Variants in PTPRM observed in about 807,000 individuals in gnomAD.
PTPRM encodes protein tyrosine phosphatase receptor type M, also known as receptor-type tyrosine-protein phosphatase mu.
A neutral mutation model predicts 186.7 loss-of-function variants in PTPRM; 47 were observed. That is an observed-to-expected ratio of 0.25 (90% CI 0.20 to 0.32). The LOEUF is 0.32. PTPRM is among the 10% of genes least tolerant of loss of function. The pLI is 1.00. For missense variants in PTPRM, 1,494 were observed against 1,865.0 expected (o/e 0.80, Z 3.66); for synonymous variants, 668 against 674.9 (o/e 0.99, Z 0.16).
chr18:7,941,279 G>T (rs73381828), intron 5 of PTPRM, among the ~76,000 whole-genome samples: 1,908 of 152,304 alleles, frequency 0.013, 51 homozygotes, highest in African/African-American at 0.044. Flanking sequence ...GAAAGCCTGA[G>T]GCTCCAAATG....
chr18:8,268,617 C>A (rs146690715), intron 19 of PTPRM, among the ~76,000 whole-genome samples: 5 of 152,078 alleles, frequency 3.3e-5, no homozygotes, highest in Non-Finnish European at 7.4e-5. Flanking sequence ...CAGATAAGGA[C>A]CCTATGAGAA....
At chr18:8,365,382 G>A (rs150339579) in intron 23 of PTPRM, among the ~76,000 whole-genome samples, 4 of 152,330 alleles carry the variant, frequency 2.6e-5, no homozygotes, top group African/African-American at 4.8e-5. Context: ...CAAATCACAT[G>A]CTCTTCCATC....
At chr18:7,752,318 T>C (rs761290453) in intron 1 of PTPRM, among the ~76,000 whole-genome samples, 7 of 152,226 alleles carry the variant, frequency 4.6e-5, no homozygotes, top group Non-Finnish European at 1.0e-4. Context: ...TATGACATTC[T>C]AGAAAAGTAT....
intron 1 of PTPRM, among the ~76,000 whole-genome samples, chr18:7,615,734 G>A (rs1420392099): frequency 6.6e-6 from 1 of 152,110 alleles, no homozygotes; most frequent in Non-Finnish European, 1.5e-5. Context: ...GATGATTCAA[G>A]TGCATTACAT....
chr18:8,090,242 A>C (rs1228800716), intron 11 of PTPRM, among the ~76,000 whole-genome samples: 1 of 152,172 alleles, frequency 6.6e-6, no homozygotes, highest in African/African-American at 2.4e-5. Context: ...TAAAAGCTGA[A>C]ATTTATTAAA....
At chr18:8,342,528 G>A (rs2095480787) in intron 22 of PTPRM, among the ~76,000 whole-genome samples, 1 of 152,186 alleles carries the variant, frequency 6.6e-6, no homozygotes, top group Admixed American at 6.5e-5. Context: ...TCTGGTCCTG[G>A]ATGTGCCTGA....
At chr18:7,870,506 G>A (rs1490086405) in intron 2 of PTPRM, among the ~76,000 whole-genome samples, 2 of 152,066 alleles carry the variant, frequency 1.3e-5, no homozygotes, top group Non-Finnish European at 2.9e-5. Flanking sequence ...TGGATTTGAC[G>A]ACATCTGTTT....
At chr18:8,237,541 C>T (rs1245802924) in intron 14 of PTPRM, among the ~76,000 whole-genome samples, 1 of 150,374 alleles carries the variant, frequency 6.7e-6, no homozygotes, top group Admixed American at 6.7e-5. Context: ...CTCAACCTCC[C>T]GGGTTCAAGC....
At chr18:8,066,515 A>G (rs1004383960) in intron 7 of PTPRM, among the ~76,000 whole-genome samples, 2 of 152,036 alleles carry the variant, frequency 1.3e-5, no homozygotes, top group African/African-American at 4.8e-5. Context: ...CTTCATCCCT[A>G]TCCTATGTTG....
In PTPRM at chr18:7,887,938, T is replaced by C. The variant is rs919370546; in HGVS notation, c.197-168T>C. 9.4e-5 allele frequency: 76 copies of C among 810,164 alleles called. No homozygotes were observed. The African/African-American group carries it at 1.2e-3, about 13-fold the overall frequency. 50.2% of individuals were successfully genotyped at this position (810,164 alleles called of 1,614,324 possible). ...CTCTTGAGAACATATAGGGGGATGA[T>C]AGGAGGAGGAGGTGGTGATATATGA... is the stretch of plus-strand genomic sequence containing the variant. On this transcript the variant is annotated intron_variant, in intron 2 of 32. Transcript: ENST00000580170.
intron 1 of PTPRM, among the ~76,000 whole-genome samples, chr18:7,723,524 C>A (rs2040488893): frequency 6.6e-6 from 1 of 152,276 alleles, no homozygotes; most frequent in East Asian, 1.9e-4. Flanking sequence ...AGAATGAGAC[C>A]TCCACTGACT....
chr18:7,822,280 C>G (rs1455197841), intron 2 of PTPRM, among the ~76,000 whole-genome samples: 2 of 152,118 alleles, frequency 1.3e-5, no homozygotes, highest in Non-Finnish European at 2.9e-5. Flanking sequence ...CTGGCCTGGG[C>G]TATAATGTGG....
chr18:7,773,129 GTTTCAT>G (rs2042408063), intron 1 of PTPRM, among the ~76,000 whole-genome samples: 1 of 151,744 alleles, frequency 6.6e-6, no homozygotes, highest in African/African-American at 2.4e-5. Context: ...TTTTTAAGTA[GTTTCAT>G]TTCTAGTACC....
intron 2 of PTPRM, among the ~76,000 whole-genome samples, chr18:7,795,327 G>A (rs895944544): frequency 6.6e-6 from 1 of 152,144 alleles, no homozygotes; most frequent in Admixed American, 6.5e-5. Flanking sequence ...CTCAGAGTGG[G>A]ATCTGTTTTT....
At chr18:8,265,489 C>A (rs1419716384) in intron 19 of PTPRM, among the ~76,000 whole-genome samples, 2 of 152,182 alleles carry the variant, frequency 1.3e-5, no homozygotes, top group African/African-American at 4.8e-5. Flanking sequence ...GTTTGTAAGC[C>A]TGAGTTGGGC....
chr18:7,929,947 T>C (rs767900228), intron 5 of PTPRM, among the ~76,000 whole-genome samples: 3 of 152,206 alleles, frequency 2.0e-5, no homozygotes, highest in Non-Finnish European at 2.9e-5. Flanking sequence ...AGGCAGAAAA[T>C]TGAAGAAAAG....
intron 1 of PTPRM, among the ~76,000 whole-genome samples, chr18:7,571,831 A>C (rs1246234806): frequency 6.6e-6 from 1 of 152,162 alleles, no homozygotes; most frequent in East Asian, 1.9e-4. Flanking sequence ...AGCTGGGTGA[A>C]GGGTGTACTT....
intron 2 of PTPRM, among the ~76,000 whole-genome samples, chr18:7,843,915 G>C (rs2046467312): frequency 6.6e-6 from 1 of 152,162 alleles, no homozygotes; most frequent in Non-Finnish European, 1.5e-5. Context: ...AATGTTGACT[G>C]TCAGGTGTGG....
At chr18:8,225,925 T>C (rs1360265657) in intron 14 of PTPRM, among the ~76,000 whole-genome samples, 1 of 152,132 alleles carries the variant, frequency 6.6e-6, no homozygotes, top group Non-Finnish European at 1.5e-5. Flanking sequence ...TATAATGAAT[T>C]TGTAGACATC....
Sources: gnomAD v4.1 joint callset for allele counts (sites outside exome capture counted in the v4.1 genomes callset) on GRCh38, gnomAD v4.1.1 for gene constraint, MANE v1.5 for transcripts, NCBI Gene and HGNC (gene_info 2026-07-23, HGNC 2026-07-21) for gene names.